Variants in CCSER1 observed in about 807,000 individuals in gnomAD.
The protein encoded by CCSER1 is coiled-coil serine rich protein 1.
In CCSER1, 41 loss-of-function variants were observed where a neutral mutation model predicts 82.0. That is an observed-to-expected ratio of 0.50 (90% CI 0.39 to 0.65). The LOEUF (loss-of-function observed/expected upper bound fraction) is 0.65, where lower values mean the gene tolerates loss of function less well. CCSER1 is among the 30% of genes least tolerant of loss of function. The pLI is 0.00. For synonymous variants in CCSER1, 414 were observed against 383.9 expected, an observed-to-expected ratio of 1.08 and a Z score of -0.92; for missense variants, 1,119 against 1,064.2, an observed-to-expected ratio of 1.05 and a Z score of -0.72.
Position 91,438,901 on chromosome 4 carries a change from C to T in CCSER1, c.2218-159671C>T, listed in dbSNP as rs547993715. Among the ~76,000 whole-genome samples, 96 of 151,750 alleles carry T rather than the reference C, an allele frequency of 6.3e-4. No homozygotes were observed. In the East Asian group the frequency reaches 9.7e-3, roughly 15 times the overall value. On this transcript the variant is annotated intron_variant, in intron 10 of 10. Coordinates refer to ENST00000509176, the MANE Select transcript of CCSER1 (RefSeq NM_001145065.2). ...TATCAGTGATGGAAGATGAAATGAACGAAATGAAGCAAGAAGGGAAGTTTA... is the reference window on the plus strand; with the variant it reads ...TATCAGTGATGGAAGATGAAATGAATGAAATGAAGCAAGAAGGGAAGTTTA...
chr4:90,639,779 T>C (rs1274601263), intron 6 of CCSER1, among the ~76,000 whole-genome samples: 1 of 151,996 alleles, frequency 6.6e-6, no homozygotes, highest in East Asian at 1.9e-4. Context: ...CAGGTGAAGG[T>C]TGAAATTCTT....
chr4:90,253,213 C>T (rs1280903967), intron 1 of CCSER1, among the ~76,000 whole-genome samples: 1 of 151,848 alleles, frequency 6.6e-6, no homozygotes, highest in Admixed American at 6.6e-5. Context: ...TAAAAAATAG[C>T]TTTTAAAATC....
chr4:90,919,113 A>T (rs72665423), intron 8 of CCSER1, among the ~76,000 whole-genome samples: 1 of 140,318 alleles, frequency 7.1e-6, no homozygotes. Flanking sequence ...AAAAAAAAAA[A>T]GGACTTAGTA....
intron 7 of CCSER1, among the ~76,000 whole-genome samples, chr4:90,782,395 G>T (rs534307643): frequency 6.6e-6 from 1 of 151,982 alleles, no homozygotes; most frequent in East Asian, 1.9e-4. Flanking sequence ...GATTTGAGAC[G>T]TACAATGACA....
intron 10 of CCSER1, among the ~76,000 whole-genome samples, chr4:91,344,164 C>G (rs938636491): frequency 6.6e-6 from 1 of 152,036 alleles, no homozygotes; most frequent in South Asian, 2.1e-4. Flanking sequence ...GATTAGTGTC[C>G]TTATAAAAGG....
intron 10 of CCSER1, among the ~76,000 whole-genome samples, chr4:91,421,199 G>GAT (rs1318370557): frequency 6.6e-6 from 1 of 152,170 alleles, no homozygotes; most frequent in East Asian, 1.9e-4. Flanking sequence ...GGTATACATA[G>GAT]ATATATAAAA....
intron 5 of CCSER1, among the ~76,000 whole-genome samples, chr4:90,499,819 T>C (rs1769586835): frequency 6.6e-6 from 1 of 152,198 alleles, no homozygotes; most frequent in South Asian, 2.1e-4. Context: ...AAAGAACTAT[T>C]TGGACTATTT....
chr4:90,932,974 G>GA (rs1491368405), intron 9 of CCSER1, among the ~76,000 whole-genome samples: 1 of 30,476 alleles, frequency 3.3e-5, no homozygotes. Flanking sequence ...AAGAAAGAAA[G>GA]AAAGAAAGAG....
At chr4:91,379,848 A>G (rs1431004038) in intron 10 of CCSER1, among the ~76,000 whole-genome samples, 3 of 152,070 alleles carry the variant, frequency 2.0e-5, no homozygotes, top group South Asian at 2.1e-4. Flanking sequence ...TAGGGTGTCA[A>G]TTTTAGATCT....
chr4:90,674,895 G>A (rs17017385), intron 6 of CCSER1, among the ~76,000 whole-genome samples: 18,368 of 151,850 alleles, frequency 0.12, 1,222 homozygotes, highest in East Asian at 0.23. Flanking sequence ...TGACCCAGGA[G>A]GAAAGTAGAG....
chr4:90,734,733 G>A (rs1054333086), intron 7 of CCSER1, among the ~76,000 whole-genome samples: 1 of 152,012 alleles, frequency 6.6e-6, no homozygotes, highest in African/African-American at 2.4e-5. Flanking sequence ...GGAGTCTTTA[G>A]GTTTTTCCAC....
chr4:91,563,765 G>A (rs1049928038), intron 10 of CCSER1, among the ~76,000 whole-genome samples: 17 of 151,676 alleles, frequency 1.1e-4, no homozygotes, highest in African/African-American at 2.2e-4. Flanking sequence ...TGTCTCTTTC[G>A]GCAAAGGACA....
chr4:90,420,296 A>T (rs1756489317), intron 4 of CCSER1, among the ~76,000 whole-genome samples: 1 of 152,002 alleles, frequency 6.6e-6, no homozygotes, highest in Non-Finnish European at 1.5e-5. Flanking sequence ...CACTCTTTTC[A>T]TACTCTGTGT....
chr4:91,074,956 G>A (rs1721815971), intron 9 of CCSER1, among the ~76,000 whole-genome samples: 1 of 152,056 alleles, frequency 6.6e-6, no homozygotes, highest in South Asian at 2.1e-4. Context: ...ACCAAATCTA[G>A]GGATATTAGA....
At chr4:91,254,665 G>A (rs1337277511) in intron 10 of CCSER1, among the ~76,000 whole-genome samples, 3 of 152,056 alleles carry the variant, frequency 2.0e-5, no homozygotes, top group Non-Finnish European at 4.4e-5. Context: ...GCACTGAACT[G>A]CATACTCAAA....
At chr4:91,465,708 G>C (rs990039854) in intron 10 of CCSER1, among the ~76,000 whole-genome samples, 4 of 151,412 alleles carry the variant, frequency 2.6e-5, no homozygotes, top group Non-Finnish European at 5.9e-5. Context: ...ACTACCATCA[G>C]AGAATACTAT....
intron 10 of CCSER1, among the ~76,000 whole-genome samples, chr4:91,257,721 A>G (rs990751569): frequency 6.6e-6 from 1 of 152,130 alleles, no homozygotes; most frequent in African/African-American, 2.4e-5. Flanking sequence ...TTTGTGAAGA[A>G]AACATTCAGC....
chr4:90,773,712 T>C (rs560709925), intron 7 of CCSER1, among the ~76,000 whole-genome samples: 1 of 152,300 alleles, frequency 6.6e-6, no homozygotes, highest in Non-Finnish European at 1.5e-5. Flanking sequence ...AATTAGAATA[T>C]TTCTAGTAAA....
At chr4:91,451,550 T>C (rs1200158648) in intron 10 of CCSER1, among the ~76,000 whole-genome samples, 2 of 151,704 alleles carry the variant, frequency 1.3e-5, no homozygotes, top group African/African-American at 2.4e-5. Flanking sequence ...AACCAATCAA[T>C]AGAAACATCC....
Sources: gnomAD v4.1 joint callset for allele counts (sites outside exome capture counted in the v4.1 genomes callset) on GRCh38, gnomAD v4.1.1 for gene constraint, MANE v1.5 for transcripts, NCBI Gene and HGNC (gene_info 2026-07-23, HGNC 2026-07-21) for gene names.